Variants in RNF38 observed in about 807,000 individuals in gnomAD.
RNF38 encodes the protein E3 ubiquitin-protein ligase RNF38.
RNF38 carries 15 observed loss-of-function variants against 67.2 expected under a neutral mutation model. That is an observed-to-expected ratio of 0.22 (90% CI 0.15 to 0.34). The LOEUF (loss-of-function observed/expected upper bound fraction) is 0.34, where lower values mean the gene tolerates loss of function less well. RNF38 is among the 10% of genes least tolerant of loss of function. The pLI is 1.00. For missense variants in RNF38, 524 were observed against 639.9 expected, an observed-to-expected ratio of 0.82 and a Z score of 1.95; for synonymous variants, 220 against 218.8, an observed-to-expected ratio of 1.01 and a Z score of -0.05.
intron 2 of RNF38, among the ~76,000 whole-genome samples, chr9:36,409,644 A>T (rs1188079901): frequency 6.6e-6 from 1 of 152,218 alleles, no homozygotes; most frequent in Admixed American, 6.5e-5. Context: ...TAGAAGTCTA[A>T]CATCTTGCAT....
At chr9:36,457,095 T>C (rs1839612157) in intron 1 of RNF38, among the ~76,000 whole-genome samples, 1 of 150,998 alleles carries the variant, frequency 6.6e-6, no homozygotes, top group African/African-American at 2.4e-5. Context: ...CCCTAATTCT[T>C]TAAATTCATG....
At chr9:36,380,501 G>GC (rs1836134645) in intron 2 of RNF38, among the ~76,000 whole-genome samples, 1 of 148,230 alleles carries the variant, frequency 6.7e-6, no homozygotes, top group African/African-American at 2.5e-5. Flanking sequence ...CGCCCGGCCT[G>GC]TTTTTTTTTT....
intron 2 of RNF38, among the ~76,000 whole-genome samples, chr9:36,419,718 A>C (rs752465673): frequency 6.6e-6 from 1 of 152,072 alleles, no homozygotes; most frequent in Admixed American, 6.6e-5. Flanking sequence ...GCTACTTGGG[A>C]AGGCTGAGGT....
At chr9:36,433,443 A>T (rs910783818) in intron 1 of RNF38, among the ~76,000 whole-genome samples, 8 of 152,030 alleles carry the variant, frequency 5.3e-5, no homozygotes, top group South Asian at 2.1e-4. Flanking sequence ...AAAAATTTTT[A>T]AAAAAGAAAA....
chr9:36,465,046 TAGA>T (rs1278518508), intron 1 of RNF38, among the ~76,000 whole-genome samples: 6 of 152,002 alleles, frequency 3.9e-5, no homozygotes, highest in African/African-American at 1.2e-4. Flanking sequence ...AAATCAAAAC[TAGA>T]AGGAGATACC....
intron 3 of RNF38, among the ~76,000 whole-genome samples, chr9:36,371,524 G>A (rs1380831221): frequency 2.8e-5 from 4 of 141,718 alleles, no homozygotes; most frequent in Non-Finnish European, 4.5e-5. Context: ...TCGGCTCACT[G>A]CGACCTCTGC....
upstream of RNF38, chr9:36,400,976 G>C: frequency 2.0e-6 from 2 of 984,202 alleles, no homozygotes; most frequent in South Asian, 9.2e-5. Flanking sequence ...CTATGCGCCG[G>C]CGCACTGGCC....
At chr9:36,404,886 C>T (rs887757523), upstream of RNF38, among the ~76,000 whole-genome samples, 5 of 151,310 alleles carry the variant, frequency 3.3e-5, no homozygotes, top group South Asian at 6.3e-4. Flanking sequence ...GAAAAACTGT[C>T]GACATTTAAG....
At chr9:36,389,357 A>C (rs894948403) in intron 2 of RNF38, among the ~76,000 whole-genome samples, 7 of 152,088 alleles carry the variant, frequency 4.6e-5, no homozygotes, top group Non-Finnish European at 8.8e-5. Context: ...AAAAAAAAAA[A>C]AAACCCTTTT....
chr9:36,348,661 T>C (rs1004557486), intron 9 of RNF38, among the ~76,000 whole-genome samples: 1 of 152,176 alleles, frequency 6.6e-6, no homozygotes, highest in Admixed American at 6.5e-5. Context: ...ATTCTATCAA[T>C]GTTGAGAGAG....
At position 36,365,662 on chromosome 9, in the gene RNF38, G is replaced by GTTTTTTTTT. The variant is rs759974775; in HGVS notation, c.570+4048_570+4056dup. Among the ~76,000 whole-genome samples the GTTTTTTTTT allele has an allele frequency of 1.2e-4, 12 of 103,604 alleles. 1 individual carries two copies. Among genetic ancestry groups the GTTTTTTTTT allele is most frequent in the African/African-American group, 2.7e-4 (7 of 25,852 alleles). The allele number at this position is 103,604 out of a possible 152,430, so 68.0% of individuals were successfully genotyped here. A position where few individuals can be genotyped will look rare whatever the true frequency, so the allele number is the denominator to read the frequency against. On this transcript the variant is annotated intron_variant, in intron 4 of 11. Coordinates refer to ENST00000259605, the MANE Select transcript of RNF38 (RefSeq NM_022781.5). ...TAAACCACTTTTGTTAAGACTGATA[G>GTTTTTTTTT]TTTTTTTTTTTTTTTTTTTTTGAGA...
chr9:36,434,785 G>A (rs996316062), intron 1 of RNF38, among the ~76,000 whole-genome samples: 2 of 152,094 alleles, frequency 1.3e-5, no homozygotes, highest in African/African-American at 2.4e-5. Flanking sequence ...TATGCATCAC[G>A]GTTTATTGCA....
intron 1 of RNF38, among the ~76,000 whole-genome samples, chr9:36,435,649 C>T (rs1247274209): frequency 1.7e-4 from 25 of 146,258 alleles, no homozygotes; most frequent in Admixed American, 2.8e-4. Context: ...GAGATGGAGT[C>T]TCGCTCTGTC....
At chr9:36,401,462 A>C (rs766120149), upstream of RNF38, among the ~76,000 whole-genome samples, 7 of 152,158 alleles carry the variant, frequency 4.6e-5, no homozygotes, top group Non-Finnish European at 1.0e-4. Flanking sequence ...AAATGCATTC[A>C]CGTGGCCCGA....
intron 6 of RNF38, 97 bp downstream of exon 6, chr9:36,356,206 T>C (rs1834094619): frequency 1.7e-6 from 2 of 1,202,798 alleles, no homozygotes; most frequent in East Asian, 5.1e-5. Flanking sequence ...GTCTGGTTCT[T>C]AAATCCACTA....
chr9:36,388,505 T>A (rs1443331691), intron 2 of RNF38, among the ~76,000 whole-genome samples: 2 of 151,958 alleles, frequency 1.3e-5, no homozygotes, highest in Non-Finnish European at 2.9e-5. Flanking sequence ...AAAAACAGGA[T>A]AACTTTTTTT....
At chr9:36,352,276 G>A (rs1432053334) in intron 8 of RNF38, among the ~76,000 whole-genome samples, 1 of 151,310 alleles carries the variant, frequency 6.6e-6, no homozygotes, top group Non-Finnish European at 1.5e-5. Context: ...CTGCACTCCA[G>A]CACAGACTTA....
intron 1 of RNF38, among the ~76,000 whole-genome samples, chr9:36,465,660 CAT>C (rs1839841706): frequency 6.6e-6 from 1 of 152,018 alleles, no homozygotes. Context: ...CAGCATTATT[CAT>C]AATCATCCAA....
intron 4 of RNF38, among the ~76,000 whole-genome samples, chr9:36,365,255 CAAAT>C (rs1834855548): frequency 1.3e-5 from 2 of 151,942 alleles, no homozygotes; most frequent in East Asian, 3.9e-4. Context: ...TCTTTCGAGT[CAAAT>C]CTCTCATTTA....
Sources: allele counts gnomAD v4.1 joint callset (sites outside exome capture counted in the v4.1 genomes callset), GRCh38; gene constraint gnomAD v4.1.1; transcripts MANE v1.5; gene names NCBI Gene and HGNC (gene_info 2026-07-23, HGNC 2026-07-21).